Variants in METTL15 observed in about 807,000 individuals in gnomAD.
METTL15 encodes methyltransferase 15, mitochondrial 12S rRNA N4-cytidine, also known as 12S rRNA N(4)-cytidine methyltransferase METTL15.
METTL15 carries 34 observed loss-of-function variants against 38.3 expected under a neutral mutation model. That is an observed-to-expected ratio of 0.89 (90% CI 0.68 to 1.18). The LOEUF is 1.18. Ranked by LOEUF, METTL15 falls within the 50% of genes most tolerant of loss-of-function variation. METTL15 has a pLI of 0.00. For missense variants in METTL15, 438 were observed against 498.4 expected (o/e 0.88, Z 1.15); for synonymous variants, 162 against 170.9 (o/e 0.95, Z 0.41).
chr11:28,521,691 A>G (rs75366718), intron 6 of METTL15, among the ~76,000 whole-genome samples: 1,998 of 152,210 alleles, frequency 0.013, 13 homozygotes, highest in Non-Finnish European at 0.021. Flanking sequence ...CTAGAAGACT[A>G]GTAGGAGAAA....
At chr11:28,478,406 T>C (rs1033078903) in intron 6 of METTL15, among the ~76,000 whole-genome samples, 2 of 152,220 alleles carry the variant, frequency 1.3e-5, no homozygotes, top group African/African-American at 4.8e-5. Context: ...ATCACTCAGA[T>C]AGTAGACAAC....
intron 4 of METTL15, among the ~76,000 whole-genome samples, chr11:28,213,698 C>T (rs1046025375): frequency 1.3e-5 from 2 of 149,764 alleles, no homozygotes. Context: ...CTCTTTCACC[C>T]AGGCCGGACT....
intron 5 of METTL15, among the ~76,000 whole-genome samples, chr11:28,390,893 G>A (rs536287560): frequency 6.6e-6 from 1 of 151,972 alleles, no homozygotes; most frequent in African/African-American, 2.4e-5. Flanking sequence ...TTTGTATCCT[G>A]TTTTATTTCA....
intron 5 of METTL15, among the ~76,000 whole-genome samples, chr11:28,292,382 G>A (rs1448251091): frequency 3.3e-5 from 5 of 151,938 alleles, no homozygotes; most frequent in South Asian, 2.1e-4. Flanking sequence ...TACAAAGGAC[G>A]TGAACTCATC....
downstream of METTL15, among the ~76,000 whole-genome samples, chr11:28,338,129 C>G (rs1033775150): frequency 5.3e-5 from 8 of 151,120 alleles, no homozygotes; most frequent in South Asian, 2.1e-4. Context: ...ATTTTACTTG[C>G]AACTGCAGTC....
At chr11:28,461,414 A>C (rs370318361) in intron 6 of METTL15, among the ~76,000 whole-genome samples, 3 of 152,130 alleles carry the variant, frequency 2.0e-5, no homozygotes, top group African/African-American at 7.2e-5. Context: ...AAGAAATTGC[A>C]TCCTTGTCCT....
intron 6 of METTL15, among the ~76,000 whole-genome samples, chr11:28,480,917 T>A (rs1459174237): frequency 6.6e-6 from 1 of 152,136 alleles, no homozygotes; most frequent in African/African-American, 2.4e-5. Flanking sequence ...CTTTGAAGCC[T>A]TGTCCCTTTA....
chr11:28,455,216 CTTTT>C (rs34686157), intron 6 of METTL15, among the ~76,000 whole-genome samples: 1,287 of 85,722 alleles, frequency 0.015, 4 homozygotes, highest in Middle Eastern at 0.027. Context: ...GATCAGCTAG[CTTTT>C]TTTTTTTTTT....
At chr11:28,154,812 G>A (rs1835154201) in intron 3 of METTL15, among the ~76,000 whole-genome samples, 1 of 152,074 alleles carries the variant, frequency 6.6e-6, no homozygotes, top group African/African-American at 2.4e-5. Context: ...CTCTTACACA[G>A]GGTCTCTGTT....
At chr11:28,216,484 G>GA (rs1435235254) in intron 4 of METTL15, among the ~76,000 whole-genome samples, 1 of 152,030 alleles carries the variant, frequency 6.6e-6, no homozygotes, top group Non-Finnish European at 1.5e-5. Flanking sequence ...TAGATGGTGT[G>GA]AAAAAATTGT....
chr11:28,484,420 G>A (rs898896178), intron 6 of METTL15, among the ~76,000 whole-genome samples: 68 of 152,166 alleles, frequency 4.5e-4, no homozygotes, highest in Non-Finnish European at 1.2e-4. Flanking sequence ...GATGAGTCCT[G>A]TGGAGAAGAA....
intron 6 of METTL15, among the ~76,000 whole-genome samples, chr11:28,445,171 C>T (rs1399166655): frequency 6.6e-6 from 1 of 152,094 alleles, no homozygotes; most frequent in Non-Finnish European, 1.5e-5. Flanking sequence ...CCTGGAGCAA[C>T]ACACCTAAGT....
chr11:28,181,772 C>T (rs956101755), intron 3 of METTL15, among the ~76,000 whole-genome samples: 1 of 152,064 alleles, frequency 6.6e-6, no homozygotes, highest in Non-Finnish European at 1.5e-5. Context: ...GGTATATACC[C>T]AGTAATGGGA....
intron 5 of METTL15, among the ~76,000 whole-genome samples, chr11:28,415,397 C>G (rs150537839): frequency 6.6e-6 from 1 of 152,200 alleles, no homozygotes; most frequent in East Asian, 1.9e-4. Context: ...AGCTATGAAT[C>G]CAGCTATTAT....
At chr11:28,525,170 G>A (rs1368259389) in intron 6 of METTL15, among the ~76,000 whole-genome samples, 2 of 152,166 alleles carry the variant, frequency 1.3e-5, no homozygotes, top group Admixed American at 6.5e-5. Context: ...TTATTGCAAA[G>A]AGCAAAAGAA....
intron 4 of METTL15, among the ~76,000 whole-genome samples, chr11:28,263,182 G>A (rs1293448511): frequency 6.6e-6 from 1 of 151,866 alleles, no homozygotes; most frequent in Non-Finnish European, 1.5e-5. Flanking sequence ...CCTGTCCTCT[G>A]GAATTGAGCC....
chr11:28,230,321 A>C (rs987933963), intron 4 of METTL15, among the ~76,000 whole-genome samples: 1 of 151,936 alleles, frequency 6.6e-6, no homozygotes, highest in African/African-American at 2.4e-5. Flanking sequence ...TTGGCTTAAA[A>C]GTTTCAAAAC....
chr11:28,523,857 T>C (rs545173527), intron 6 of METTL15, among the ~76,000 whole-genome samples: 1 of 152,334 alleles, frequency 6.6e-6, no homozygotes, highest in South Asian at 2.1e-4. Flanking sequence ...TGATGGGTGA[T>C]TTTGTATCCC....
intron 4 of METTL15, among the ~76,000 whole-genome samples, chr11:28,281,857 G>A (rs1366279837): frequency 6.6e-6 from 1 of 152,132 alleles, no homozygotes; most frequent in Non-Finnish European, 1.5e-5. Context: ...ATTAGTGAGT[G>A]GTAAAGGTTT....
Sources: allele counts gnomAD v4.1 joint callset (sites outside exome capture counted in the v4.1 genomes callset), GRCh38; gene constraint gnomAD v4.1.1; transcripts MANE v1.5; gene names NCBI Gene and HGNC (gene_info 2026-07-23, HGNC 2026-07-21).